FGF13: variants seen among roughly 807,000 people sequenced by gnomAD.
The protein encoded by FGF13 is fibroblast growth factor homologous factor 2.
FGF13 carries 2 observed loss-of-function variants against 19.5 expected under a neutral mutation model. That is an observed-to-expected ratio of 0.10 (90% CI 0.04 to 0.32). FGF13 has a LOEUF of 0.32. FGF13 is among the 10% of genes least tolerant of loss of function. The pLI is 1.00. For missense variants in FGF13, 113 were observed against 192.7 expected, an observed-to-expected ratio of 0.59 and a Z score of 2.45; for synonymous variants, 72 against 76.9, an observed-to-expected ratio of 0.94 and a Z score of 0.33.
At chrX:138,798,544 T>C (rs2090798671) in intron 3 of FGF13, among the ~76,000 whole-genome samples, 1 of 111,901 alleles carries the variant, frequency 8.9e-6, no homozygotes, top group Non-Finnish European at 1.9e-5. Context: ...GTTGTGTCTC[T>C]GCCAGGTTTT....
At chrX:139,101,618 AAT>A (rs2083514654) in intron 1 of FGF13, among the ~76,000 whole-genome samples, 1 of 112,566 alleles carries the variant, frequency 8.9e-6, no homozygotes, top group Admixed American at 9.4e-5. Context: ...ATAAATATTA[AAT>A]ATGTCTGCAA....
upstream of FGF13, among the ~76,000 whole-genome samples, chrX:138,741,292 T>C (rs941282550): frequency 8.9e-6 from 1 of 111,833 alleles, no homozygotes; most frequent in Non-Finnish European, 1.9e-5. Flanking sequence ...CTTCTTATAA[T>C]GGCCCTGCAG....
intron 1 of FGF13, among the ~76,000 whole-genome samples, chrX:139,065,496 G>GGGAAAAAAAAAAAAAAAAAAAA (rs2092352341): frequency 1.1e-5 from 1 of 88,947 alleles, no homozygotes. Flanking sequence ...AAAAAAAAAA[G>GGGAAAAAAAAAAAAAAAAAAAA]AAAAAGAAAA....
intron 1 of FGF13, among the ~76,000 whole-genome samples, chrX:138,957,216 T>C (rs944450641): frequency 1.1e-4 from 12 of 111,869 alleles, no homozygotes; most frequent in Admixed American, 9.5e-5. Flanking sequence ...AATTAGACCA[T>C]GTTGTAGTGA....
chrX:138,860,418 A>G (rs765720444), intron 2 of FGF13, among the ~76,000 whole-genome samples: 12 of 111,458 alleles, frequency 1.1e-4, no homozygotes, highest in Non-Finnish European at 2.1e-4. Flanking sequence ...AGACCTGCAA[A>G]GAATCCAGCC....
At chrX:138,857,009 G>A (rs758018610), downstream of FGF13, among the ~76,000 whole-genome samples, 9 of 111,954 alleles carry the variant, frequency 8.0e-5, no homozygotes, top group Non-Finnish European at 1.3e-4. Context: ...GCAACGGGGC[G>A]TGCATTATAC....
intron 1 of FGF13, among the ~76,000 whole-genome samples, chrX:139,145,824 G>A (rs187210329): frequency 7.8e-4 from 87 of 111,857 alleles, no homozygotes; most frequent in Non-Finnish European, 1.4e-3. Context: ...TAGTGGGTCA[G>A]GAAGGAATCA....
At chrX:138,784,391 C>G (rs1305239747) in intron 3 of FGF13, among the ~76,000 whole-genome samples, 1 of 108,806 alleles carries the variant, frequency 9.2e-6, no homozygotes, top group Non-Finnish European at 1.9e-5. Flanking sequence ...TCATTGCCCA[C>G]TCAATCTTTA....
chrX:138,867,964 C>T (rs987418656), intron 1 of FGF13, among the ~76,000 whole-genome samples: 1 of 111,518 alleles, frequency 9.0e-6, no homozygotes, highest in Admixed American at 9.6e-5. Flanking sequence ...AGGCCTCACA[C>T]GAACTTCACT....
intron 3 of FGF13, among the ~76,000 whole-genome samples, chrX:138,823,358 C>G (rs1404448000): frequency 9.0e-6 from 1 of 111,305 alleles, no homozygotes; most frequent in African/African-American, 3.3e-5. Context: ...AGGAGCCTGG[C>G]CTCTCCTCTT....
intron 3 of FGF13, among the ~76,000 whole-genome samples, chrX:138,836,506 A>T (rs181303980): frequency 1.8e-3 from 201 of 111,911 alleles, no homozygotes; most frequent in African/African-American, 6.4e-3. Context: ...CTGCATTATG[A>T]AAGTCTTGTA....
rs146844631 is a variant in FGF13, at chrX:138,745,547, T to G, written c.218-36619A>C. Among the ~76,000 whole-genome samples, 945 of 112,256 alleles carry G rather than the reference T, an allele frequency of 8.4e-3. 11 individuals are homozygous for G. The highest frequency in any genetic ancestry group is 0.03 in the African/African-American group (913 of 30,938). On this transcript the variant is annotated intron_variant, in intron 3 of 6. Transcript: ENST00000436198. ...TCCTCTCAGGAGTTTCATGGAAAGA[T>G]AAATTAAATATTTAGATTTTTCCAG...
At chrX:138,989,642 G>C (rs2092007048) in intron 1 of FGF13, among the ~76,000 whole-genome samples, 1 of 110,299 alleles carries the variant, frequency 9.1e-6, no homozygotes, top group East Asian at 2.8e-4. Context: ...ACCATAATAG[G>C]AGATTGATTA....
In FGF13 at chrX:138,620,799, C is replaced by A. The variant is rs1477129269; in HGVS notation, c.*12051G>T. The stretch of plus-strand genomic sequence containing the variant: ...AAGTGAAGAGATTAAAAAGATATTG[C>A]ATGTAAATAGAAACCAGAAAGAAGC... On this transcript the variant is annotated 3_prime_UTR_variant, in exon 5 of 5. Coordinates refer to ENST00000315930, the MANE Select transcript of FGF13 (RefSeq NM_004114.5). 9.0e-6 allele frequency: 1 copy of A among 111,311 alleles called. No individual in the cohort carries two copies. Among genetic ancestry groups the A allele is most frequent in the African/African-American group, 3.3e-5 (1 of 30,649 alleles). 9.2% of individuals were successfully genotyped at this position (111,311 alleles called of 1,213,427 possible). A position where few individuals can be genotyped will look rare whatever the true frequency, so the allele number is the denominator to read the frequency against.
intron 1 of FGF13, among the ~76,000 whole-genome samples, chrX:138,999,819 T>G (rs779299107): frequency 8.9e-6 from 1 of 112,137 alleles, no homozygotes; most frequent in East Asian, 2.8e-4. Context: ...AGAGGGAATC[T>G]TCCCTAACTC....
chrX:138,988,021 C>G (rs929867774), intron 1 of FGF13, among the ~76,000 whole-genome samples: 1 of 112,062 alleles, frequency 8.9e-6, no homozygotes, highest in Non-Finnish European at 1.9e-5. Context: ...TAGTTATGCT[C>G]TCTCTGGTTT....
intron 1 of FGF13, among the ~76,000 whole-genome samples, chrX:139,017,095 T>TATAC (rs1294246038): frequency 2.9e-4 from 31 of 107,284 alleles, no homozygotes; most frequent in African/African-American, 6.8e-4. Context: ...TATATATATA[T>TATAC]ACACACACAC....
intron 3 of FGF13, among the ~76,000 whole-genome samples, chrX:138,784,622 T>G (rs2090678525): frequency 9.0e-6 from 1 of 111,443 alleles, no homozygotes; most frequent in Non-Finnish European, 1.9e-5. Context: ...AGCCTACTTC[T>G]TTTCCTTCCA....
chrX:139,036,123 A>C (rs1362999449), intron 1 of FGF13, among the ~76,000 whole-genome samples: 1 of 112,069 alleles, frequency 8.9e-6, no homozygotes, highest in East Asian at 2.8e-4. Flanking sequence ...TGCGAATTCT[A>C]TTGATTTTGA....
Sources: allele counts gnomAD v4.1 joint callset (sites outside exome capture counted in the v4.1 genomes callset), GRCh38; gene constraint gnomAD v4.1.1; transcripts MANE v1.5; gene names NCBI Gene and HGNC (gene_info 2026-07-23, HGNC 2026-07-21).